The following RIT2 variants were observed in gnomAD, a reference collection of about 807,000 sequenced individuals.
RIT2 encodes the protein GTP-binding protein Rit2.
A neutral mutation model predicts 23.7 loss-of-function variants in RIT2; 24 were observed. That is an observed-to-expected ratio of 1.01 (90% CI 0.73 to 1.43). RIT2 has a LOEUF of 1.43. Ranked by LOEUF, RIT2 falls within the 40% of genes most tolerant of loss-of-function variation. The probability of loss-of-function intolerance (pLI) is 0.00; values close to 1 mark genes in which losing one functional copy is unlikely to be tolerated. For missense variants in RIT2, 236 were observed against 266.9 expected (o/e 0.88, Z 0.81); for synonymous variants, 107 against 91.1 (o/e 1.17, Z -0.99).
chr18:42,855,298 T>C (rs919253147), intron 4 of RIT2, among the ~76,000 whole-genome samples: 8 of 152,216 alleles, frequency 5.3e-5, no homozygotes, highest in African/African-American at 1.9e-4. Flanking sequence ...ACCCTTCTAA[T>C]GATTTTACTT....
chr18:42,858,068 C>G (rs747282219), intron 4 of RIT2, among the ~76,000 whole-genome samples: 1 of 152,142 alleles, frequency 6.6e-6, no homozygotes, highest in Non-Finnish European at 1.5e-5. Context: ...GTAATCCCAG[C>G]TACTCAGGAG....
At chr18:42,963,817 A>G (rs1458726030) in intron 3 of RIT2, among the ~76,000 whole-genome samples, 1 of 152,030 alleles carries the variant, frequency 6.6e-6, no homozygotes, top group Non-Finnish European at 1.5e-5. Flanking sequence ...AATCACTTGA[A>G]CCCAGGAGGT....
chr18:42,956,708 G>C (rs972709263), intron 3 of RIT2, among the ~76,000 whole-genome samples: 2 of 151,606 alleles, frequency 1.3e-5, no homozygotes, highest in Admixed American at 1.3e-4. Context: ...GTGTTGTCTC[G>C]GTTATTACTC....
At chr18:42,996,052 T>A (rs1910976066) in intron 2 of RIT2, among the ~76,000 whole-genome samples, 1 of 152,226 alleles carries the variant, frequency 6.6e-6, no homozygotes, top group African/African-American at 2.4e-5. Flanking sequence ...ACTCTCTAAT[T>A]GGATGTCTTG....
chr18:42,793,642 A>C (rs974747195), intron 4 of RIT2, among the ~76,000 whole-genome samples: 1 of 152,214 alleles, frequency 6.6e-6, no homozygotes, highest in African/African-American at 2.4e-5. Context: ...AGGCCTGAGG[A>C]CTGAGACCTG....
At chr18:42,985,305 T>G (rs188446322) in intron 2 of RIT2, among the ~76,000 whole-genome samples, 73 of 152,240 alleles carry the variant, frequency 4.8e-4, no homozygotes, top group Non-Finnish European at 9.4e-4. Context: ...ATATGCCATG[T>G]TTATGGGTTG....
In RIT2 at chr18:42,839,634, A is replaced by G. The variant is rs76179293; in HGVS notation, c.426+83938T>C. Reference sequence around the variant, plus strand: ...TTAAGTGCTCCTAGGAGGCTAATACATCATGTCATTATCACTGTAACATCA... The same window carrying G: ...TTAAGTGCTCCTAGGAGGCTAATACGTCATGTCATTATCACTGTAACATCA... On this transcript the variant is annotated intron_variant, in intron 4 of 4. Coordinates refer to ENST00000326695, the MANE Select transcript of RIT2 (RefSeq NM_002930.4). Among the ~76,000 whole-genome samples the G allele has an allele frequency of 4.5e-4, 68 of 152,328 alleles. No homozygotes were observed. The East Asian group carries it at 0.013, about 28-fold the overall frequency.
Position 42,993,362 on chromosome 18 carries a change from G to C in RIT2, c.161-19215C>G, listed in dbSNP as rs189701644. Reference sequence around the variant, plus strand: ...TAGTGGCTGAAGACTGACACTGCCCGATTGCCTCGGAAGCCCCCTAAACCA... The same window carrying C: ...TAGTGGCTGAAGACTGACACTGCCCCATTGCCTCGGAAGCCCCCTAAACCA... On this transcript the variant is annotated intron_variant, in intron 2 of 4. Coordinates refer to ENST00000326695, the MANE Select transcript of RIT2 (RefSeq NM_002930.4). Among the ~76,000 whole-genome samples, 669 of 152,240 alleles carry C rather than the reference G, an allele frequency of 4.4e-3. 4 individuals are homozygous for C. Among genetic ancestry groups the C allele is most frequent in the African/African-American group, 0.015 (631 of 41,538 alleles).
intron 1 of RIT2, among the ~76,000 whole-genome samples, chr18:43,039,135 G>A (rs143580059): frequency 6.6e-6 from 1 of 152,034 alleles, no homozygotes; most frequent in Admixed American, 6.6e-5. Flanking sequence ...CATTATCACT[G>A]CTGTGAAACA....
intron 4 of RIT2, among the ~76,000 whole-genome samples, chr18:42,748,302 G>C (rs1162476261): frequency 6.6e-6 from 1 of 151,768 alleles, no homozygotes; most frequent in Admixed American, 6.6e-5. Flanking sequence ...ATTCTCAAAA[G>C]AAGATACACA....
intron 4 of RIT2, among the ~76,000 whole-genome samples, chr18:42,857,066 C>T (rs1474931350): frequency 1.3e-5 from 2 of 151,930 alleles, no homozygotes; most frequent in African/African-American, 2.4e-5. Flanking sequence ...CTGACCCGCC[C>T]ACCTCGGCCT....
chr18:42,804,561 TAAAAAAAAAAA>T (rs564202513), intron 4 of RIT2, among the ~76,000 whole-genome samples: 3 of 52,854 alleles, frequency 5.7e-5, no homozygotes, highest in Admixed American at 4.8e-4. Flanking sequence ...GCCTCAAAAC[TAAAAAAAAAAA>T]AAAAAAAAAA....
intron 4 of RIT2, among the ~76,000 whole-genome samples, chr18:42,810,029 GTA>G (rs1905800830): frequency 7.0e-6 from 1 of 143,880 alleles, no homozygotes; most frequent in African/African-American, 2.5e-5. Flanking sequence ...TTACATATAT[GTA>G]TATATAAGTT....
chr18:42,929,306 C>A (rs1478769661), intron 3 of RIT2, among the ~76,000 whole-genome samples: 4 of 152,092 alleles, frequency 2.6e-5, no homozygotes, highest in Non-Finnish European at 5.9e-5. Context: ...GTCAACCAAA[C>A]TAGATCTGCA....
intron 4 of RIT2, among the ~76,000 whole-genome samples, chr18:42,745,406 T>TA (rs1400015226): frequency 2.6e-5 from 4 of 152,162 alleles, no homozygotes; most frequent in South Asian, 2.1e-4. Context: ...AGCTGGGGTG[T>TA]AAAAAATCTA....
rs190252746 is a variant in RIT2 at position 42,962,027 on chromosome 18, C to T, written c.234+12047G>A. Among the ~76,000 whole-genome samples, 799 of 152,082 alleles carry T rather than the reference C, an allele frequency of 5.3e-3. 5 individuals are homozygous for T. The highest frequency in any genetic ancestry group is 0.034 in the Middle Eastern group (10 of 294). On this transcript the variant is annotated intron_variant, in intron 3 of 4. Coordinates refer to ENST00000326695, the MANE Select transcript of RIT2 (RefSeq NM_002930.4). ...TTTTTTATTGCTCCATAACACAACA[C>T]CTTTTCTGTAAATTTCAGATGTGAG... is the stretch of plus-strand genomic sequence containing the variant.
intron 1 of RIT2, among the ~76,000 whole-genome samples, chr18:43,105,088 A>G (rs919243778): frequency 1.4e-5 from 2 of 144,618 alleles, no homozygotes; most frequent in Admixed American, 1.4e-4. Context: ...CCTTTCTCTA[A>G]CAGGCAGTGT....
chr18:42,944,352 T>A (rs955607026), intron 3 of RIT2, among the ~76,000 whole-genome samples: 1 of 152,124 alleles, frequency 6.6e-6, no homozygotes, highest in South Asian at 2.1e-4. Context: ...TCTTTATTTA[T>A]GTTGTTTATT....
chr18:42,989,455 GATTAA>G (rs1363774982), intron 2 of RIT2, among the ~76,000 whole-genome samples: 1 of 151,968 alleles, frequency 6.6e-6, no homozygotes, highest in Non-Finnish European at 1.5e-5. Flanking sequence ...AAAGGAAATG[GATTAA>G]ATTAAATTTA....
Sources: allele counts gnomAD v4.1 joint callset (sites outside exome capture counted in the v4.1 genomes callset), GRCh38; gene constraint gnomAD v4.1.1; transcripts MANE v1.5; gene names NCBI Gene and HGNC (gene_info 2026-07-23, HGNC 2026-07-21).